DAB1: variants seen among roughly 807,000 people sequenced by gnomAD.
DAB1 encodes the protein DAB adaptor protein 1, also known as disabled homolog 1.
Under a neutral mutation model 64.6 loss-of-function variants are expected in DAB1, and 15 were observed. That is an observed-to-expected ratio of 0.23 (90% confidence interval 0.16 to 0.36). The LOEUF is 0.36. Ranked by LOEUF, DAB1 falls within the 10% of genes least tolerant of loss-of-function variation. The probability of loss-of-function intolerance (pLI) is 1.00; values close to 1 mark genes in which losing one functional copy is unlikely to be tolerated. For missense variants in DAB1, 596 were observed against 706.7 expected (o/e 0.84, Z 1.78); for synonymous variants, 235 against 251.9 (o/e 0.93, Z 0.64).
intron 3 of DAB1, among the ~76,000 whole-genome samples, chr1:58,367,114 T>C (rs1644224423): frequency 6.6e-6 from 1 of 152,162 alleles, no homozygotes; most frequent in Non-Finnish European, 1.5e-5. Flanking sequence ...ACTTCCAATA[T>C]TATTCAGACA....
At chr1:58,229,659 G>C (rs1011609867) in intron 4 of DAB1, among the ~76,000 whole-genome samples, 1 of 152,168 alleles carries the variant, frequency 6.6e-6, no homozygotes, top group African/African-American at 2.4e-5. Context: ...AAGAAGGAGA[G>C]AACGTACTTG....
chr1:57,576,817 T>C (rs1489067781), intron 7 of DAB1, among the ~76,000 whole-genome samples: 1 of 152,202 alleles, frequency 6.6e-6, no homozygotes, highest in Non-Finnish European at 1.5e-5. Flanking sequence ...GGTGGAAGAC[T>C]GACAAAGACA....
At chr1:58,524,250 G>A (rs1312402409) in intron 2 of DAB1, among the ~76,000 whole-genome samples, 1 of 152,160 alleles carries the variant, frequency 6.6e-6, no homozygotes, top group Non-Finnish European at 1.5e-5. Context: ...TGTTCCGGCA[G>A]CTATTCTTTC....
chr1:57,888,292 TC>T (rs1223680339), upstream of DAB1, among the ~76,000 whole-genome samples: 1 of 152,126 alleles, frequency 6.6e-6, no homozygotes, highest in Non-Finnish European at 1.5e-5. Context: ...AGTCAATTAT[TC>T]CCCGATCCAC....
chr1:58,005,079 T>C (rs1172921355), intron 5 of DAB1, among the ~76,000 whole-genome samples: 5 of 152,190 alleles, frequency 3.3e-5, no homozygotes, highest in African/African-American at 1.2e-4. Context: ...CCTCTTTTTA[T>C]TGATAACTTC....
At chr1:58,437,715 G>A (rs1431844907) in intron 3 of DAB1, among the ~76,000 whole-genome samples, 2 of 152,190 alleles carry the variant, frequency 1.3e-5, no homozygotes, top group Admixed American at 6.5e-5. Flanking sequence ...ATTTGTGGGG[G>A]ATATAGCATT....
chr1:57,739,301 C>T (rs72664615), intron 6 of DAB1, among the ~76,000 whole-genome samples: 8,362 of 152,110 alleles, frequency 0.055, 269 homozygotes, highest in Middle Eastern at 0.092. Context: ...CTTTGCTCAT[C>T]TGAAGTGCTC....
chr1:57,053,473 C>T (rs72903384), intron 9 of DAB1, among the ~76,000 whole-genome samples: 2,474 of 151,612 alleles, frequency 0.016, 57 homozygotes, highest in African/African-American at 0.056. Flanking sequence ...GTCTTGAACT[C>T]CTGGCCCCAA....
chr1:58,222,268 T>C (rs1659211886), intron 4 of DAB1, among the ~76,000 whole-genome samples: 1 of 152,084 alleles, frequency 6.6e-6, no homozygotes, highest in Non-Finnish European at 1.5e-5. Flanking sequence ...TGTATATGTA[T>C]ATATACATTT....
intron 6 of DAB1, among the ~76,000 whole-genome samples, chr1:57,819,480 A>C (rs750994927): frequency 6.6e-6 from 1 of 152,192 alleles, no homozygotes; most frequent in African/African-American, 2.4e-5. Flanking sequence ...GAGGAAGTGG[A>C]AACAGTTTTA....
intron 4 of DAB1, among the ~76,000 whole-genome samples, chr1:58,299,272 C>G (rs1662062753): frequency 2.0e-5 from 3 of 152,188 alleles, no homozygotes; most frequent in Admixed American, 2.0e-4. Context: ...AGATTTAAAA[C>G]TCAGATTTGA....
At chr1:58,161,391 GA>G (rs1013341006) in intron 4 of DAB1, among the ~76,000 whole-genome samples, 11 of 152,132 alleles carry the variant, frequency 7.2e-5, no homozygotes, top group African/African-American at 2.7e-4. Context: ...AAGAAGAAAA[GA>G]GCTTGGGCTT....
chr1:57,454,681 A>C (rs566598508), intron 7 of DAB1, among the ~76,000 whole-genome samples: 1 of 152,252 alleles, frequency 6.6e-6, no homozygotes, highest in East Asian at 1.9e-4. Flanking sequence ...TGGAGTTATA[A>C]AGGAGAATGA....
chr1:57,139,742 A>C (rs760137845), intron 3 of DAB1, among the ~76,000 whole-genome samples: 10 of 152,156 alleles, frequency 6.6e-5, no homozygotes, highest in African/African-American at 1.2e-4. Context: ...AGTAGTGCTG[A>C]TTAGATACTA....
At chr1:57,627,160 G>A (rs1645932215) in intron 7 of DAB1, among the ~76,000 whole-genome samples, 1 of 152,132 alleles carries the variant, frequency 6.6e-6, no homozygotes. Flanking sequence ...CTTGAGCCGG[G>A]ACAGCCATCT....
chr1:58,287,639 C>T (rs1661718957), intron 4 of DAB1, among the ~76,000 whole-genome samples: 1 of 152,150 alleles, frequency 6.6e-6, no homozygotes, highest in South Asian at 2.1e-4. Flanking sequence ...AGATGCAAGG[C>T]TTTGAATGAC....
intron 7 of DAB1, among the ~76,000 whole-genome samples, chr1:57,473,275 G>A (rs1687205047): frequency 1.3e-5 from 2 of 152,220 alleles, no homozygotes; most frequent in South Asian, 4.1e-4. Context: ...GTGTGGTAGA[G>A]GCTGGCAGTG....
intron 4 of DAB1, among the ~76,000 whole-genome samples, chr1:58,282,238 T>C (rs1042290221): frequency 1.3e-5 from 2 of 152,176 alleles, no homozygotes; most frequent in African/African-American, 4.8e-5. Flanking sequence ...GCTGCTACAC[T>C]GCCTCACAGT....
At chr1:57,372,642 AT>A (rs1160010324) in intron 1 of DAB1, among the ~76,000 whole-genome samples, 2 of 152,090 alleles carry the variant, frequency 1.3e-5, no homozygotes, top group Non-Finnish European at 2.9e-5. Flanking sequence ...AAGAAAATAC[AT>A]CTAAGCTCCT....
Sources: gnomAD v4.1 joint callset for allele counts (sites outside exome capture counted in the v4.1 genomes callset) on GRCh38, gnomAD v4.1.1 for gene constraint, MANE v1.5 for transcripts, NCBI Gene and HGNC (gene_info 2026-07-23, HGNC 2026-07-21) for gene names.